Variants in L3MBTL4 observed in about 807,000 individuals in gnomAD.
The protein encoded by L3MBTL4 is L3MBTL histone methyl-lysine binding protein 4.
A neutral mutation model predicts 84.5 loss-of-function variants in L3MBTL4; 70 were observed. That is an observed-to-expected ratio of 0.83 (90% CI 0.68 to 1.01). L3MBTL4 has a LOEUF of 1.01. L3MBTL4 is among the 50% of genes least tolerant of loss of function. The pLI, the probability that L3MBTL4 is intolerant of heterozygous loss-of-function variation, is 0.00. For missense variants in L3MBTL4, 715 were observed against 754.8 expected, an observed-to-expected ratio of 0.95 and a Z score of 0.62; for synonymous variants, 274 against 259.8, an observed-to-expected ratio of 1.05 and a Z score of -0.52.
chr18:5,961,016 G>T (rs367816878), intron 17 of L3MBTL4, among the ~76,000 whole-genome samples: 14 of 152,338 alleles, frequency 9.2e-5, no homozygotes, highest in African/African-American at 3.4e-4. Context: ...CAGTCCTGTC[G>T]CAGCAGGGGA....
At chr18:6,303,784 G>A (rs1221765233) in intron 3 of L3MBTL4, among the ~76,000 whole-genome samples, 3 of 151,950 alleles carry the variant, frequency 2.0e-5, no homozygotes, top group East Asian at 1.9e-4. Flanking sequence ...AGGCTGACGC[G>A]GGAGGATCAC....
chr18:6,021,524 G>A (rs2055259947), intron 16 of L3MBTL4, among the ~76,000 whole-genome samples: 1 of 152,176 alleles, frequency 6.6e-6, no homozygotes, highest in Non-Finnish European at 1.5e-5. Flanking sequence ...GTGCCATCCT[G>A]TTCCCCTTTG....
At chr18:6,036,525 T>C (rs921803561) in intron 16 of L3MBTL4, among the ~76,000 whole-genome samples, 3 of 152,204 alleles carry the variant, frequency 2.0e-5, no homozygotes, top group African/African-American at 7.2e-5. Flanking sequence ...TTCTCTTGAG[T>C]TTCTCTACAT....
chr18:5,970,949 A>G (rs2052611696), intron 16 of L3MBTL4, among the ~76,000 whole-genome samples: 1 of 152,178 alleles, frequency 6.6e-6, no homozygotes, highest in African/African-American at 2.4e-5. Context: ...CTCATATTTA[A>G]CAGTGCTTGC....
At chr18:6,343,027 T>C (rs1169915258) in intron 1 of L3MBTL4, among the ~76,000 whole-genome samples, 1 of 152,058 alleles carries the variant, frequency 6.6e-6, no homozygotes, top group Non-Finnish European at 1.5e-5. Context: ...GGTCCATGCA[T>C]CAAGAGGATA....
At chr18:6,336,055 C>A (rs1386381559) in intron 1 of L3MBTL4, among the ~76,000 whole-genome samples, 1 of 152,142 alleles carries the variant, frequency 6.6e-6, no homozygotes, top group Non-Finnish European at 1.5e-5. Context: ...CCTGTGATGT[C>A]AAGTGCTTCT....
At chr18:6,313,252 C>T (rs146735760) in intron 1 of L3MBTL4, among the ~76,000 whole-genome samples, 19 of 152,154 alleles carry the variant, frequency 1.2e-4, no homozygotes, top group African/African-American at 4.1e-4. Context: ...ACTACATAAA[C>T]ATGTCTCTCT....
intron 5 of L3MBTL4, 80 bp from the exon 6 acceptor site, chr18:6,244,668 G>C: frequency 1.0e-6 from 1 of 968,724 alleles, no homozygotes; most frequent in Non-Finnish European, 1.6e-6. Context: ...TCACCTCTAG[G>C]TGAAGTCTAA....
chr18:6,028,200 T>C lies in L3MBTL4; in HGVS notation c.1444+52681A>G, dbSNP rs375527684. On this transcript the variant is annotated intron_variant, in intron 16 of 18. Transcript: ENST00000317931. ...ACGTTTAAGTCTTAATTAATCCATCTTGAGTTAATTTTTGTATAAGGTGTA... is the reference window on the plus strand; with the variant it reads ...ACGTTTAAGTCTTAATTAATCCATCCTGAGTTAATTTTTGTATAAGGTGTA... Among the ~76,000 whole-genome samples, 142 of 152,346 alleles carry C rather than the reference T, an allele frequency of 9.3e-4. No individual in the cohort carries two copies. The Middle Eastern group carries it at 0.014, about 15-fold the overall frequency.
chr18:6,007,722 G>T (rs999949388), intron 16 of L3MBTL4, among the ~76,000 whole-genome samples: 5 of 152,108 alleles, frequency 3.3e-5, no homozygotes, highest in Non-Finnish European at 5.9e-5. Context: ...TGGAGGAGTG[G>T]TAATATAATG....
chr18:5,960,816 CCATGCCCCCA>C (rs1159734462), intron 17 of L3MBTL4: 1 of 152,394 alleles, frequency 6.6e-6, no homozygotes, highest in Admixed American at 6.5e-5. Flanking sequence ...CTCACCCTCA[CCATGCCCCCA>C]CATGCCCCCA....
At chr18:6,326,142 C>T (rs2051703854) in intron 1 of L3MBTL4, among the ~76,000 whole-genome samples, 1 of 152,174 alleles carries the variant, frequency 6.6e-6, no homozygotes, top group South Asian at 2.1e-4. Flanking sequence ...TGACACAGGG[C>T]ATAAGCTGCG....
intron 16 of L3MBTL4, among the ~76,000 whole-genome samples, chr18:6,063,230 A>G (rs1277038983): frequency 6.6e-6 from 1 of 151,594 alleles, no homozygotes; most frequent in African/African-American, 2.4e-5. Context: ...TCCTTTATCC[A>G]GTCATTGGTC....
chr18:6,370,280 A>G (rs560205566), intron 1 of L3MBTL4, among the ~76,000 whole-genome samples: 3 of 152,340 alleles, frequency 2.0e-5, no homozygotes, highest in Admixed American at 6.5e-5. Flanking sequence ...GAGCAGGCAT[A>G]AATCCTGATG....
At chr18:6,185,661 C>T (rs563609425) in intron 12 of L3MBTL4, among the ~76,000 whole-genome samples, 1 of 152,262 alleles carries the variant, frequency 6.6e-6, no homozygotes, top group Admixed American at 6.5e-5. Context: ...CTGCAGGACC[C>T]TGACTGATAC....
intron 10 of L3MBTL4, among the ~76,000 whole-genome samples, chr18:6,237,645 G>A (rs995343617): frequency 2.0e-5 from 3 of 151,280 alleles, no homozygotes; most frequent in Non-Finnish European, 2.9e-5. Context: ...TAGTAGAGAT[G>A]GGGTTTCACC....
intron 4 of L3MBTL4, among the ~76,000 whole-genome samples, chr18:6,286,669 T>G (rs1209801085): frequency 6.6e-6 from 1 of 152,088 alleles, no homozygotes; most frequent in Non-Finnish European, 1.5e-5. Flanking sequence ...ATACCTGATG[T>G]CAGAAGCAAG....
rs766470044 is a variant in L3MBTL4 at position 6,138,278 on chromosome 18, A to T, written c.1115T>A (p.Ile372Asn). 6.2e-7 allele frequency: 1 copy of T among 1,610,764 alleles called. No homozygotes were observed. Among genetic ancestry groups the T allele is most frequent in the South Asian group, 1.1e-5 (1 of 90,390 alleles). ...EVPQRTNDLK[I>N]LPGQAVCPTP... is the part of the protein sequence containing the mutation. ...AGGACAGACAGCTTGACCTGGAAGG[A>T]TCTTCAGGTCATTCGTTCCTTCAGG... The change falls in exon 14 of 19, where the codon ATC becomes AAC. Residue 372 changes from isoleucine (I) to asparagine (N), a missense_variant. Coordinates refer to ENST00000317931, the MANE Select transcript of L3MBTL4 (RefSeq NM_001330559.2).
intron 5 of L3MBTL4, chr18:6,259,438 T>C (rs1172087060): frequency 6.6e-6 from 1 of 152,276 alleles, no homozygotes; most frequent in Non-Finnish European, 1.5e-5. Flanking sequence ...TATCTCGTTG[T>C]GGTTTTAATT....
Sources: allele counts gnomAD v4.1 joint callset (sites outside exome capture counted in the v4.1 genomes callset), GRCh38; gene constraint gnomAD v4.1.1; transcripts MANE v1.5; gene names NCBI Gene and HGNC (gene_info 2026-07-23, HGNC 2026-07-21).